Variants in LPIN2 observed in about 807,000 individuals in gnomAD.
The protein encoded by LPIN2 is lipin 2, also known as phosphatidate phosphatase LPIN2.
Under a neutral mutation model 111.4 loss-of-function variants are expected in LPIN2, and 55 were observed. The ratio of observed to expected loss-of-function variants is 0.49; its 90% CI spans 0.40 to 0.62. The LOEUF (loss-of-function observed/expected upper bound fraction) is 0.62, where lower values mean the gene tolerates loss of function less well. Among genes scored for constraint, LPIN2 ranks in the 20% least tolerant of loss-of-function variants. The probability of loss-of-function intolerance (pLI) is 0.00; values close to 1 mark genes in which losing one functional copy is unlikely to be tolerated. For missense variants in LPIN2, 992 were observed against 1,112.1 expected (o/e 0.89, Z 1.54); for synonymous variants, 425 against 414.0 (o/e 1.03, Z -0.32).
At chr18:2,945,615 C>T (rs1371948426) in intron 4 of LPIN2, 3 of 1,527,986 alleles carry the variant, frequency 2.0e-6, no homozygotes, top group Non-Finnish European at 2.7e-6. Flanking sequence ...TTGCCCACTG[C>T]ATCGGTTCAG....
chr18:3,000,094 G>A (rs1282281555), intron 1 of LPIN2, among the ~76,000 whole-genome samples: 3 of 137,648 alleles, frequency 2.2e-5, no homozygotes, highest in Non-Finnish European at 4.7e-5. Flanking sequence ...GGAGGAAGAG[G>A]GGAAAGAGGG....
Position 2,965,998 on chromosome 18 carries a change from C to T in LPIN2, c.-9-5149G>A, listed in dbSNP as rs550298455. 2.6e-5 allele frequency among the ~76,000 whole-genome samples: 4 copies of T among 152,176 alleles called. No individual in the cohort carries two copies. The South Asian group carries it at 8.3e-4, about 32-fold the overall frequency. ...TTGCCCAGGCTGGACTGCAATGGTG[C>T]GATCTCTGCTCACTGTAACCTCAGC... On this transcript the variant is annotated intron_variant, in intron 1 of 19. Transcript: ENST00000677752.
intron 2 of LPIN2, among the ~76,000 whole-genome samples, chr18:2,955,881 C>T (rs2077604150): frequency 1.3e-5 from 2 of 152,152 alleles, no homozygotes; most frequent in African/African-American, 4.8e-5. Context: ...CGCCATTGCA[C>T]TCCAGCCTGG....
intron 1 of LPIN2, among the ~76,000 whole-genome samples, chr18:2,989,216 C>T (rs2078228225): frequency 6.6e-6 from 1 of 152,100 alleles, no homozygotes; most frequent in Admixed American, 6.6e-5. Flanking sequence ...AAGATGTCTT[C>T]CACAGTACCT....
rs144588821 is a variant in LPIN2 at position 2,917,984 on chromosome 18, A to C, written c.*2309T>G. ...GGCATCTCTTTCACAGAAAGAACAA[A>C]TGTCATTTGTACCAAATGGCAATGG... On this transcript the variant is annotated 3_prime_UTR_variant, in exon 20 of 20. Transcript: ENST00000677752. The C allele has an allele frequency of 1.3e-5, 2 of 152,348 alleles. No homozygotes were observed. The highest frequency in any genetic ancestry group is 4.8e-5 in the African/African-American group (2 of 41,566). 9.4% of individuals were successfully genotyped at this position (152,348 alleles called of 1,614,324 possible). A position where few individuals can be genotyped will look rare whatever the true frequency, so the allele number is the denominator to read the frequency against.
Position 2,920,277 on chromosome 18 carries a change from C to G in LPIN2, c.*16G>C, listed in dbSNP as rs1555671889. ...GGGAGGGGGACCAAGCCCTGCCCAC[C>G]CACTGAGGTGCCGCCTCAAGACAGG... On this transcript the variant is annotated 3_prime_UTR_variant, in exon 20 of 20. Coordinates refer to ENST00000677752, the MANE Select transcript of LPIN2 (RefSeq NM_001375808.2). The G allele has an allele frequency of 1.2e-6, 2 of 1,614,020 alleles. No individual in the cohort carries two copies. The highest frequency in any genetic ancestry group is 3.3e-5 in the Admixed American group (2 of 60,024).
chr18:2,960,584 G>C, intron 2 of LPIN2, 65 bp downstream of exon 2: 1 of 1,514,060 alleles, frequency 6.6e-7, no homozygotes, highest in Non-Finnish European at 9.2e-7. Flanking sequence ...TCTACTCCTT[G>C]AGGACACTCA....
chr18:2,986,547 T>TAAAAA (rs1555606339), intron 1 of LPIN2, among the ~76,000 whole-genome samples: 357 of 134,282 alleles, frequency 2.7e-3, no homozygotes, highest in Non-Finnish European at 3.4e-3. Flanking sequence ...TTTTTTAATG[T>TAAAAA]AAAAAAAAAA....
chr18:3,004,612 C>G (rs2078483703), intron 1 of LPIN2, among the ~76,000 whole-genome samples: 1 of 152,132 alleles, frequency 6.6e-6, no homozygotes, highest in Non-Finnish European at 1.5e-5. Flanking sequence ...CAGGAACCGT[C>G]AAAATTACGA....
At chr18:2,929,677 G>A (rs1471665017) in intron 9 of LPIN2, among the ~76,000 whole-genome samples, 2 of 152,194 alleles carry the variant, frequency 1.3e-5, no homozygotes, top group Non-Finnish European at 2.9e-5. Context: ...AGGCCGATGT[G>A]GGCCGATCAC....
intron 1 of LPIN2, among the ~76,000 whole-genome samples, chr18:2,978,193 A>G (rs1179451255): frequency 6.6e-6 from 1 of 152,166 alleles, no homozygotes; most frequent in Non-Finnish European, 1.5e-5. Flanking sequence ...TCTTTTAAAA[A>G]ATAAAAAATA....
At chr18:2,927,579 C>T (rs2144143658) in intron 12 of LPIN2, 143 bp downstream of exon 12, 4 of 796,066 alleles carry the variant, frequency 5.0e-6, no homozygotes, top group Non-Finnish European at 8.4e-6. Context: ...CCTGCACGTC[C>T]TAAGTGCTCA....
At chr18:2,973,190 T>C (rs2077950908) in intron 1 of LPIN2, among the ~76,000 whole-genome samples, 1 of 152,032 alleles carries the variant, frequency 6.6e-6, no homozygotes, top group African/African-American at 2.4e-5. Context: ...AATAGATTTT[T>C]CTTAAAACAA....
In LPIN2 at chr18:2,925,870, G is replaced by C. The variant is rs1186348883; in HGVS notation, c.1794-502C>G. 6.6e-6 allele frequency among the ~76,000 whole-genome samples: 1 copy of C among 152,058 alleles called. No individual in the cohort carries two copies. The highest frequency in any genetic ancestry group is 1.5e-5 in the Non-Finnish European group (1 of 67,996). ...AACATTTAAAAATTAGCCAGGGGTA[G>C]TGACACTTGTCTGTGGTCCTAACTA... On this transcript the variant is annotated intron_variant, in intron 13 of 19. Coordinates refer to ENST00000677752, the MANE Select transcript of LPIN2 (RefSeq NM_001375808.2). This position sits in a 1 kb window ranked among gnomAD's most constrained non-coding sequence, Gnocchi z 4.1.
In LPIN2 at chr18:2,937,693, T is replaced by C. The variant is rs1013137894; in HGVS notation, c.1167A>G (p.Lys389=). 4 of 1,613,658 alleles carry C rather than the reference T, an allele frequency of 2.5e-6. No homozygotes were observed. Among genetic ancestry groups the C allele is most frequent in the African/African-American group, 2.7e-5 (2 of 74,904 alleles). Residue 389 remains lysine, a splice_region_variant and synonymous_variant, in exon 7 of 20, where the codon AAA becomes AAG. Transcript: ENST00000677752. Reference sequence around the variant, plus strand: ...GAGCCAAATTAAACAAACGATTACCTTTCTTCTTTGACGGCGAGTCTACTT... The same window carrying C: ...GAGCCAAATTAAACAAACGATTACCCTTCTTCTTTGACGGCGAGTCTACTT... ...AAKVDSPSKK[K]GVHKRSQHQG...
At chr18:2,935,310 CAT>C (rs59941420) in intron 7 of LPIN2, among the ~76,000 whole-genome samples, 4,013 of 152,212 alleles carry the variant, frequency 0.026, 173 homozygotes, top group African/African-American at 0.091. Flanking sequence ...CAAAATTACA[CAT>C]GTGATTCATA....
rs374826079 is a variant in LPIN2 at position 2,993,154 on chromosome 18, A to AAAGAAAGAAGAAAGGAAGAAGG, written c.-10+19911_-10+19932dup. 9.4e-3 allele frequency among the ~76,000 whole-genome samples: 1,424 copies of AAAGAAAGAAGAAAGGAAGAAGG among 151,726 alleles called. 21 individuals are homozygous for AAAGAAAGAAGAAAGGAAGAAGG. The highest frequency in any genetic ancestry group is 0.033 in the African/African-American group (1,343 of 41,210). ...AGCGAGACCCTGACGGAGGAAGAAA[A>AAAGAAAGAAGAAAGGAAGAAGG]AAGAAAGAAGAAAGGAAGAAGGAAA... On this transcript the variant is annotated intron_variant, in intron 1 of 19. Transcript: ENST00000677752.
chr18:2,946,431 C>G lies in LPIN2; in HGVS notation c.590+4624G>C, dbSNP rs372440077. The G allele has an allele frequency of 9.0e-6, 13 of 1,445,990 alleles. No individual in the cohort carries two copies. In the African/African-American group the frequency reaches 1.8e-4, roughly 20 times the overall value. The allele number at this position is 1,445,990 out of a possible 1,614,324, so 89.6% of individuals were successfully genotyped here. On this transcript the variant is annotated intron_variant, in intron 4 of 19. Coordinates refer to ENST00000677752, the MANE Select transcript of LPIN2 (RefSeq NM_001375808.2). The stretch of plus-strand genomic sequence containing the variant: ...TTACAGCAAGACCAACCCTTTAATG[C>G]ATCGTGAAAGACTGGAACGCCTGGG...
chr18:2,920,663 G>T (rs1357967061), intron 19 of LPIN2, 115 bp downstream of exon 19: 2 of 847,724 alleles, frequency 2.4e-6, no homozygotes, highest in Non-Finnish European at 4.0e-6. Context: ...AGATGTAGCT[G>T]ATCCTTTGAT....
Sources: allele counts gnomAD v4.1 joint callset (sites outside exome capture counted in the v4.1 genomes callset), GRCh38; gene constraint gnomAD v4.1.1; non-coding constraint Gnocchi (gnomAD v3.1); transcripts MANE v1.5; gene names NCBI Gene and HGNC (gene_info 2026-07-23, HGNC 2026-07-21).